Variants in PDE4B observed in about 807,000 individuals in gnomAD.
PDE4B encodes the protein 3',5'-cyclic-AMP phosphodiesterase 4B.
Under a neutral mutation model 82.2 loss-of-function variants are expected in PDE4B, and 20 were observed. The ratio of observed to expected loss-of-function variants is 0.24; its 90% confidence interval spans 0.17 to 0.35. The LOEUF is 0.35. Among genes scored for constraint, PDE4B ranks in the 10% least tolerant of loss-of-function variants. The pLI, the probability that PDE4B is intolerant of heterozygous loss-of-function variation, is 1.00. For missense variants in PDE4B, 655 were observed against 907.2 expected (o/e 0.72, Z 3.57); for synonymous variants, 320 against 318.9 (o/e 1.00, Z -0.04).
intron 3 of PDE4B, among the ~76,000 whole-genome samples, chr1:66,129,708 A>G (rs1044502209): frequency 7.3e-6 from 1 of 136,634 alleles, no homozygotes; most frequent in African/African-American, 2.8e-5. Context: ...AAAAAAAAAA[A>G]CCTCTCTGTA....
At chr1:66,227,984 T>G (rs754807933) in intron 3 of PDE4B, among the ~76,000 whole-genome samples, 6 of 152,208 alleles carry the variant, frequency 3.9e-5, no homozygotes, top group Non-Finnish European at 8.8e-5. Flanking sequence ...TTGTATGAAA[T>G]GGCTTCATGG....
chr1:66,275,261 T>C (rs1655795595), intron 7 of PDE4B, among the ~76,000 whole-genome samples: 1 of 152,228 alleles, frequency 6.6e-6, no homozygotes, highest in South Asian at 2.1e-4. Context: ...ACATCAAAGT[T>C]GTATTGAAAT....
chr1:65,831,979 T>C (rs908462458), intron 1 of PDE4B, among the ~76,000 whole-genome samples: 8 of 152,212 alleles, frequency 5.3e-5, no homozygotes, highest in Non-Finnish European at 1.5e-5. Context: ...ACTTCTGTTG[T>C]GACCCCTGGA....
At chr1:66,280,123 T>G (rs978038973) in intron 7 of PDE4B, among the ~76,000 whole-genome samples, 9 of 152,314 alleles carry the variant, frequency 5.9e-5, no homozygotes, top group Admixed American at 2.0e-4. Flanking sequence ...CAATAAAAAT[T>G]TTTGTATTAT....
intron 3 of PDE4B, among the ~76,000 whole-genome samples, chr1:65,924,389 A>G (rs954561628): frequency 6.6e-6 from 1 of 151,452 alleles, no homozygotes; most frequent in Non-Finnish European, 1.5e-5. Flanking sequence ...TTTTTTTTTC[A>G]AACTATGTCT....
At chr1:66,352,158 A>T (rs1661880933) in intron 8 of PDE4B, among the ~76,000 whole-genome samples, 1 of 152,132 alleles carries the variant, frequency 6.6e-6, no homozygotes, top group Non-Finnish European at 1.5e-5. Flanking sequence ...CATTTAAAGG[A>T]CTAGGTTAGT....
chr1:65,965,540 G>A (rs1649773819), intron 3 of PDE4B, among the ~76,000 whole-genome samples: 1 of 150,600 alleles, frequency 6.6e-6, no homozygotes. Flanking sequence ...TTCATAAAAT[G>A]AATGCCCTTA....
In PDE4B at chr1:66,353,814, T is replaced by A. The variant is rs558860497; in HGVS notation, c.748-1713T>A. ...TTAATTTAAATCCTCAGATTTCTAA[T>A]GTGAGTTAGAAGATGTAACACTAAA... On this transcript the variant is annotated intron_variant, in intron 8 of 16. Transcript: ENST00000341517. Among the ~76,000 whole-genome samples, 29 of 152,342 alleles carry A rather than the reference T, an allele frequency of 1.9e-4. No individual in the cohort carries two copies. The Middle Eastern group carries it at 0.01, about 54-fold the overall frequency.
At chr1:66,296,277 G>C (rs1235573227) in intron 7 of PDE4B, among the ~76,000 whole-genome samples, 7 of 152,148 alleles carry the variant, frequency 4.6e-5, no homozygotes, top group Non-Finnish European at 5.9e-5. Context: ...ATAAATTCTG[G>C]ATGAATGAGA....
intron 1 of PDE4B, among the ~76,000 whole-genome samples, chr1:65,851,610 T>G (rs1482892568): frequency 6.6e-6 from 1 of 152,062 alleles, no homozygotes; most frequent in Non-Finnish European, 1.5e-5. Flanking sequence ...ATTTAAACAT[T>G]TATTTTCCAA....
At chr1:65,931,466 A>T (rs541648741) in intron 3 of PDE4B, among the ~76,000 whole-genome samples, 1 of 152,340 alleles carries the variant, frequency 6.6e-6, no homozygotes, top group South Asian at 2.1e-4. Flanking sequence ...CCTCTCCTTG[A>T]AGGAAATAAT....
intron 7 of PDE4B, among the ~76,000 whole-genome samples, chr1:66,283,723 A>G (rs1656457878): frequency 2.0e-5 from 3 of 152,126 alleles, no homozygotes; most frequent in Admixed American, 1.3e-4. Context: ...TAACTTAATC[A>G]TATGAGCCAT....
chr1:66,272,100 A>ACGT (rs1172530106), intron 7 of PDE4B, among the ~76,000 whole-genome samples: 2 of 152,198 alleles, frequency 1.3e-5, no homozygotes, highest in East Asian at 3.8e-4. Flanking sequence ...GAGGCTGTCC[A>ACGT]CGTGCCTGTG....
chr1:66,115,184 A>G (rs113209468), intron 3 of PDE4B, among the ~76,000 whole-genome samples: 136 of 152,336 alleles, frequency 8.9e-4, no homozygotes, highest in African/African-American at 2.8e-3. Context: ...CAGCAGCCCA[A>G]TATTAATTTA....
In PDE4B at chr1:65,798,493, C is replaced by T. The variant is rs1450267022; in HGVS notation, c.-71+5245C>T. ...CAGGATGGTCTCGATCTCCTGACCT[C>T]GTGATCCACCCGCCTCGGCCTCCCA... On this transcript the variant is annotated intron_variant, in intron 1 of 16. Coordinates refer to ENST00000341517, the MANE Select transcript of PDE4B (RefSeq NM_002600.4). Among the ~76,000 whole-genome samples, 3 of 68,858 alleles carry T rather than the reference C, an allele frequency of 4.4e-5. 1 individual carries two copies. The highest frequency in any genetic ancestry group is 2.4e-4 in the African/African-American group (2 of 8,376). The allele number at this position is 68,858 out of a possible 152,430, so 45.2% of individuals were successfully genotyped here.
At chr1:66,006,676 G>A (rs1652168019) in intron 3 of PDE4B, among the ~76,000 whole-genome samples, 3 of 152,076 alleles carry the variant, frequency 2.0e-5, no homozygotes, top group African/African-American at 7.2e-5. Flanking sequence ...GAATCATGGA[G>A]GAGGTTCCCC....
At chr1:66,026,381 C>T (rs1279533931) in intron 3 of PDE4B, among the ~76,000 whole-genome samples, 1 of 152,090 alleles carries the variant, frequency 6.6e-6, no homozygotes, top group Non-Finnish European at 1.5e-5. Flanking sequence ...CTCTATTATC[C>T]CCATCTGGCC....
chr1:65,976,672 T>C (rs1390851288), intron 3 of PDE4B, among the ~76,000 whole-genome samples: 1 of 152,156 alleles, frequency 6.6e-6, no homozygotes, highest in Non-Finnish European at 1.5e-5. Flanking sequence ...GTTCTTGTGA[T>C]AGTGAGTGAG....
intron 7 of PDE4B, among the ~76,000 whole-genome samples, chr1:66,313,352 C>G (rs1156555116): frequency 2.0e-5 from 3 of 152,210 alleles, no homozygotes; most frequent in Middle Eastern, 3.2e-3. Context: ...CTGTAAGTGC[C>G]TCAGTGGCAG....
Sources: gnomAD v4.1 joint callset for allele counts (sites outside exome capture counted in the v4.1 genomes callset) on GRCh38, gnomAD v4.1.1 for gene constraint, MANE v1.5 for transcripts, NCBI Gene and HGNC (gene_info 2026-07-23, HGNC 2026-07-21) for gene names.